Variants in CAMTA1 observed in about 807,000 individuals in gnomAD.
CAMTA1 encodes calmodulin binding transcription activator 1, also known as calmodulin-binding transcription activator 1.
In CAMTA1, 27 loss-of-function variants were observed where a neutral mutation model predicts 170.9. The ratio of observed to expected loss-of-function variants is 0.16; its 90% CI spans 0.12 to 0.22. The LOEUF (loss-of-function observed/expected upper bound fraction) is 0.22. Ranked by LOEUF, CAMTA1 falls within the 10% of genes least tolerant of loss-of-function variation. The pLI, the probability that CAMTA1 is intolerant of heterozygous loss-of-function variation, is 1.00. For synonymous variants in CAMTA1, 833 were observed against 891.5 expected (o/e 0.93, Z 1.17); for missense variants, 1,619 against 2,217.2 (o/e 0.73, Z 5.42).
At chr1:6,836,050 C>T (rs1652935699) in intron 3 of CAMTA1, among the ~76,000 whole-genome samples, 3 of 152,152 alleles carry the variant, frequency 2.0e-5, no homozygotes, top group Admixed American at 2.0e-4. Context: ...TGCCTGCCTA[C>T]CTGCCTGTCT....
At chr1:6,953,706 T>C (rs1471391600) in intron 3 of CAMTA1, among the ~76,000 whole-genome samples, 1 of 152,230 alleles carries the variant, frequency 6.6e-6, no homozygotes, top group Non-Finnish European at 1.5e-5. Flanking sequence ...TGAAAGTCAC[T>C]GCACTTTATA....
chr1:7,238,012 C>T (rs1285802956), intron 4 of CAMTA1, among the ~76,000 whole-genome samples: 1 of 152,200 alleles, frequency 6.6e-6, no homozygotes, highest in African/African-American at 2.4e-5. Context: ...TAAGATACAA[C>T]CTAGATCTCA....
intron 6 of CAMTA1, among the ~76,000 whole-genome samples, chr1:7,623,589 C>T (rs995093842): frequency 2.0e-5 from 3 of 152,242 alleles, no homozygotes; most frequent in African/African-American, 7.2e-5. Flanking sequence ...ACCTCTGCCT[C>T]CTGGGTTCAA....
rs1558047145 is a variant in CAMTA1 at position 7,065,095 on chromosome 1, C to G, written c.235-26209C>G. Among the ~76,000 whole-genome samples the G allele has an allele frequency of 6.6e-6, 1 of 152,160 alleles. No homozygotes were observed. Among genetic ancestry groups the G allele is most frequent in the African/African-American group, 2.4e-5 (1 of 41,422 alleles). ...TTGCACACGTTACATGTGGGATGCT[C>G]TTTATACAGCCAAATGGGGAGGCCA... On this transcript the variant is annotated intron_variant, in intron 3 of 22. Transcript: ENST00000303635. The surrounding 1 kb of genome is among the most constrained non-coding windows in gnomAD (Gnocchi z 5.2).
At chr1:6,833,043 C>G (rs1279656240) in intron 3 of CAMTA1, among the ~76,000 whole-genome samples, 1 of 152,156 alleles carries the variant, frequency 6.6e-6, no homozygotes, top group Non-Finnish European at 1.5e-5. Flanking sequence ...AGCAGCAGCA[C>G]TCCACAGGAT....
At chr1:7,716,069 G>T (rs1008603927) in intron 11 of CAMTA1, among the ~76,000 whole-genome samples, 4 of 152,190 alleles carry the variant, frequency 2.6e-5, no homozygotes, top group African/African-American at 9.7e-5. Context: ...GTCTCACTCT[G>T]TTGCCCGGGC....
At chr1:7,675,080 A>T (rs1227859168) in intron 10 of CAMTA1, among the ~76,000 whole-genome samples, 1 of 152,208 alleles carries the variant, frequency 6.6e-6, no homozygotes, top group African/African-American at 2.4e-5. Flanking sequence ...TGGAACATGG[A>T]TGAGCAGAGG....
intron 3 of CAMTA1, among the ~76,000 whole-genome samples, chr1:6,978,990 T>G (rs1557917362): frequency 2.0e-5 from 3 of 152,094 alleles, no homozygotes; most frequent in African/African-American, 7.2e-5. Context: ...CCTGGGGAGC[T>G]CGCTCTCCCT....
At position 7,456,995 on chromosome 1, in the gene CAMTA1, C is replaced by T. The variant is rs1162462545; in HGVS notation, c.439-10835C>T. Among the ~76,000 whole-genome samples, 2 of 150,408 alleles carry T rather than the reference C, an allele frequency of 1.3e-5. No individual in the cohort carries two copies. Among genetic ancestry groups the T allele is most frequent in the Admixed American group, 6.6e-5 (1 of 15,134 alleles). ...AGAGTTCGGCGCCGCCCTCCCGTTC[C>T]TCCTCCCTCCCATTCTTCCTCCCTC... On this transcript the variant is annotated intron_variant, in intron 5 of 22. Transcript: ENST00000303635. This position sits in a 1 kb window ranked among gnomAD's most constrained non-coding sequence, Gnocchi z 4.9.
rs1431081000 is a variant in CAMTA1 at position 7,759,029 on chromosome 1, T to C, written c.4989+3361T>C. Among the ~76,000 whole-genome samples the C allele has an allele frequency of 2.0e-5, 3 of 152,056 alleles. No individual in the cohort carries two copies. In the East Asian group the frequency reaches 5.8e-4, roughly 29 times the overall value. On this transcript the variant is annotated intron_variant, in intron 22 of 22. Coordinates refer to ENST00000303635, the MANE Select transcript of CAMTA1 (RefSeq NM_015215.4). ...ATGGTTTATACATTGAAAAATAATATTTTCCCAGCTACTGGAGGCTGAGGT... is the reference window on the plus strand; with the variant it reads ...ATGGTTTATACATTGAAAAATAATACTTTCCCAGCTACTGGAGGCTGAGGT...
At chr1:6,935,796 A>T (rs188778720) in intron 3 of CAMTA1, among the ~76,000 whole-genome samples, 77 of 152,324 alleles carry the variant, frequency 5.1e-4, no homozygotes, top group African/African-American at 1.7e-3. Flanking sequence ...GCAGGCACGG[A>T]AATCACTGTT....
intron 6 of CAMTA1, among the ~76,000 whole-genome samples, chr1:7,591,879 AGTTT>A (rs1186934701): frequency 7.2e-5 from 11 of 152,066 alleles, no homozygotes; most frequent in South Asian, 4.2e-4. Context: ...TGGATTTCAC[AGTTT>A]GTTTGTTTAT....
At chr1:7,250,510 T>G (rs1226412620) in intron 5 of CAMTA1, among the ~76,000 whole-genome samples, 1 of 152,172 alleles carries the variant, frequency 6.6e-6, no homozygotes, top group Non-Finnish European at 1.5e-5. Context: ...AGAGAGGCAT[T>G]CTGGAGTCTG....
rs548339618 is a variant in CAMTA1, at chr1:7,366,258, C to T, written c.439-101572C>T. On this transcript the variant is annotated intron_variant, in intron 5 of 22. Coordinates refer to ENST00000303635, the MANE Select transcript of CAMTA1 (RefSeq NM_015215.4). ...CACATCTCCGTCCCTTTGCCAATCA[C>T]ACCCTGCTCAGTAGAGCCCACCTTG... is the stretch of plus-strand genomic sequence containing the variant. Among the ~76,000 whole-genome samples, 3 of 152,314 alleles carry T rather than the reference C, an allele frequency of 2.0e-5. No individual in the cohort carries two copies. The South Asian group carries it at 6.2e-4, about 32-fold the overall frequency.
chr1:6,840,056 C>T (rs1392708594), intron 3 of CAMTA1, among the ~76,000 whole-genome samples: 3 of 152,018 alleles, frequency 2.0e-5, no homozygotes, highest in East Asian at 1.9e-4. Flanking sequence ...CAAAATTAGC[C>T]GGGCGTGGTG....
chr1:7,728,620 C>A (rs957965985), intron 11 of CAMTA1, among the ~76,000 whole-genome samples: 1 of 152,188 alleles, frequency 6.6e-6, no homozygotes, highest in African/African-American at 2.4e-5. Flanking sequence ...ATAACGATCT[C>A]CAAGTAGGTT....
intron 4 of CAMTA1, among the ~76,000 whole-genome samples, chr1:7,145,691 G>C (rs928610772): frequency 1.3e-5 from 2 of 152,194 alleles, no homozygotes; most frequent in African/African-American, 4.8e-5. Context: ...TGATTGCATA[G>C]AGCTGTAGTA....
chr1:6,939,823 G>A (rs1440570056), intron 3 of CAMTA1, among the ~76,000 whole-genome samples: 1 of 152,238 alleles, frequency 6.6e-6, no homozygotes, highest in Non-Finnish European at 1.5e-5. Flanking sequence ...CCTAGCATCT[G>A]TCTCCCTGCT....
In CAMTA1 at chr1:7,215,244, T is replaced by C. The variant is rs540647522; in HGVS notation, c.303-34247T>C. Among the ~76,000 whole-genome samples, 9 of 152,294 alleles carry C rather than the reference T, an allele frequency of 5.9e-5. No homozygotes were observed. The South Asian group carries it at 1.9e-3, about 32-fold the overall frequency. ...CATCTAACTTTATTTTCCCCTTTCT[T>C]ATGGTTTTGCTGTTGTTCTTCTTCT... On this transcript the variant is annotated intron_variant, in intron 4 of 22. Coordinates refer to ENST00000303635, the MANE Select transcript of CAMTA1 (RefSeq NM_015215.4).
Sources: gnomAD v4.1 joint callset for allele counts (sites outside exome capture counted in the v4.1 genomes callset) on GRCh38, gnomAD v4.1.1 for gene constraint, Gnocchi (gnomAD v3.1) non-coding constraint, MANE v1.5 for transcripts, NCBI Gene and HGNC (gene_info 2026-07-23, HGNC 2026-07-21) for gene names.